DNAH5: variants seen among roughly 807,000 people sequenced by gnomAD.
DNAH5 encodes dynein axonemal heavy chain 5.
DNAH5 carries 372 observed loss-of-function variants against 518.2 expected under a neutral mutation model. The observed-to-expected ratio is 0.72, with a 90% CI of 0.66 to 0.78. The LOEUF (loss-of-function observed/expected upper bound fraction) is 0.78, where lower values mean the gene tolerates loss of function less well. DNAH5 is among the 30% of genes least tolerant of loss of function. The pLI, the probability that DNAH5 is intolerant of heterozygous loss-of-function variation, is 0.00. For synonymous variants in DNAH5, 2,039 were observed against 2,025.9 expected, an observed-to-expected ratio of 1.01 and a Z score of -0.17; for missense variants, 5,523 against 5,687.0, an observed-to-expected ratio of 0.97 and a Z score of 0.93.
intron 30 of DNAH5, among the ~76,000 whole-genome samples, chr5:13,852,995 C>A (rs1767107260): frequency 6.6e-6 from 1 of 152,366 alleles, no homozygotes; most frequent in African/African-American, 2.4e-5. Flanking sequence ...AGCAGCAGAT[C>A]TCCCAGCACA....
chr5:13,879,738 T>C (rs1444063478), intron 21 of DNAH5, among the ~76,000 whole-genome samples: 1 of 147,524 alleles, frequency 6.8e-6, no homozygotes. Flanking sequence ...CAAAGAGAGG[T>C]CACTGAAAAT....
At chr5:13,717,892 C>T (rs979946454) in intron 72 of DNAH5, among the ~76,000 whole-genome samples, 1 of 152,044 alleles carries the variant, frequency 6.6e-6, no homozygotes, top group Non-Finnish European at 1.5e-5. Flanking sequence ...ATACTTGGGG[C>T]ATATACTTTT....
intron 1 of DNAH5, among the ~76,000 whole-genome samples, chr5:13,964,741 A>G (rs1481740916): frequency 5.3e-5 from 8 of 152,240 alleles, no homozygotes; most frequent in African/African-American, 1.9e-4. Flanking sequence ...TTGGGGATAC[A>G]AAGATCTGAG....
At chr5:13,878,540 G>T (rs991054380) in intron 21 of DNAH5, among the ~76,000 whole-genome samples, 2 of 152,142 alleles carry the variant, frequency 1.3e-5, no homozygotes, top group African/African-American at 2.4e-5. Flanking sequence ...AGCACTTCAT[G>T]AGTGTTCCCT....
chr5:13,755,055 T>C (rs1049356076), intron 61 of DNAH5, among the ~76,000 whole-genome samples: 8 of 151,964 alleles, frequency 5.3e-5, no homozygotes, highest in African/African-American at 1.9e-4. Context: ...GGCAGGAGAA[T>C]CACTTGAACC....
chr5:13,885,848 G>T (rs1772346594), intron 18 of DNAH5, 116 bp downstream of exon 18: 1 of 977,968 alleles, frequency 1.0e-6, no homozygotes, highest in Admixed American at 2.1e-5. Flanking sequence ...CATATCATTA[G>T]AAAATCGAGA....
intron 1 of DNAH5, among the ~76,000 whole-genome samples, chr5:13,938,091 G>A (rs561487372): frequency 6.2e-4 from 94 of 152,126 alleles, no homozygotes; most frequent in African/African-American, 2.1e-3. Context: ...ATCTCATGCC[G>A]TCCAAATCCA....
In DNAH5 at chr5:13,859,560, G is replaced by A. The variant is rs1213611017; in HGVS notation, c.4842C>T (p.Tyr1614=). The A allele has an allele frequency of 6.2e-7, 1 of 1,614,070 alleles. No individual in the cohort carries two copies. Among genetic ancestry groups the A allele is most frequent in the South Asian group, 1.1e-5 (1 of 91,080 alleles). The change falls in exon 30 of 79, where the codon TAC becomes TAT. Residue 1614 remains tyrosine, a synonymous_variant. Coordinates refer to ENST00000265104, the MANE Select transcript of DNAH5 (RefSeq NM_001369.3). ...FKAQIQKWVQ[Y]LSNSTDIIES... Reference sequence around the variant, plus strand: ...CGATGATGTCTGTTGAGTTGGAAAGGTACTGCACCCATTTTTGAATCTGGG... The same window carrying A: ...CGATGATGTCTGTTGAGTTGGAAAGATACTGCACCCATTTTTGAATCTGGG...
At chr5:13,924,271 T>A (rs1020709618) in intron 3 of DNAH5, among the ~76,000 whole-genome samples, 2 of 152,214 alleles carry the variant, frequency 1.3e-5, no homozygotes, top group Non-Finnish European at 2.9e-5. Flanking sequence ...ATGTGGGCTC[T>A]AGAGTCAGAT....
chr5:13,752,411 C>A, intron 63 of DNAH5, 122 bp from the exon 64 acceptor site: 2 of 1,180,380 alleles, frequency 1.7e-6, no homozygotes, highest in East Asian at 2.4e-5. Flanking sequence ...AATTGAGCAT[C>A]CAAAATGTTC....
At chr5:13,786,153 G>C (rs765430158) in intron 52 of DNAH5, 26 bp downstream of exon 52, 5 of 1,612,806 alleles carry the variant, frequency 3.1e-6, no homozygotes, top group Non-Finnish European at 4.2e-6. Flanking sequence ...ACCTCCACAA[G>C]GCACTACTCA....
Position 13,917,194 on chromosome 5 carries a change from T to C in DNAH5, c.1038A>G (p.Lys346=). Residue 346 remains lysine (K), a synonymous_variant, in exon 8 of 79, where the codon AAA becomes AAG. Transcript: ENST00000265104. ...AACATTTTTCAAGTGTATACAAGTA[T>C]TTCACATTGTCCTTTGCTTCATTAG... The part of the protein sequence containing the change: ...DATNEAKDNV[K]YLYTLEKCCD... 1.9e-6 allele frequency: 3 copies of C among 1,614,034 alleles called. No individual in the cohort carries two copies. The highest frequency in any genetic ancestry group is 2.5e-6 in the Non-Finnish European group (3 of 1,179,960).
intron 1 of DNAH5, among the ~76,000 whole-genome samples, chr5:13,955,148 C>G (rs1780674022): frequency 6.6e-6 from 1 of 152,174 alleles, no homozygotes; most frequent in Admixed American, 6.5e-5. Context: ...CCCCCAACTG[C>G]TGTCTCGCGA....
intron 17 of DNAH5, among the ~76,000 whole-genome samples, chr5:13,888,598 A>C (rs1426669116): frequency 1.3e-5 from 2 of 152,262 alleles, no homozygotes; most frequent in African/African-American, 2.4e-5. Flanking sequence ...GTAATCAAAA[A>C]TGCAAACTCA....
chr5:13,786,104 G>C (rs1031347634), intron 52 of DNAH5, 75 bp downstream of exon 52: 1 of 1,408,626 alleles, frequency 7.1e-7, no homozygotes, highest in Admixed American at 1.7e-5. Flanking sequence ...ATGAAAATAA[G>C]AGAGGGAGAG....
At chr5:13,760,885 C>A (rs1179493091) in intron 60 of DNAH5, among the ~76,000 whole-genome samples, 1 of 152,220 alleles carries the variant, frequency 6.6e-6, no homozygotes, top group Non-Finnish European at 1.5e-5. Flanking sequence ...TGACAATATG[C>A]ACTCACTGCC....
At chr5:13,904,947 T>C (rs1775104516) in intron 12 of DNAH5, among the ~76,000 whole-genome samples, 1 of 151,536 alleles carries the variant, frequency 6.6e-6, no homozygotes. Flanking sequence ...AAAGAAATAG[T>C]AGGAAGTAAA....
intron 1 of DNAH5, among the ~76,000 whole-genome samples, chr5:13,997,032 C>T (rs895802787): frequency 1.3e-5 from 2 of 152,224 alleles, no homozygotes; most frequent in East Asian, 3.8e-4. Flanking sequence ...CATTCCCCCA[C>T]AGCTCATGCA....
intron 12 of DNAH5, among the ~76,000 whole-genome samples, chr5:13,904,291 A>G (rs13154455): frequency 0.35 from 52,687 of 150,018 alleles, 10,315 homozygotes; most frequent in East Asian, 0.76. Flanking sequence ...TTAAACTTGC[A>G]ATTAAAGGAA....
Sources: gnomAD v4.1 joint callset for allele counts (sites outside exome capture counted in the v4.1 genomes callset) on GRCh38, gnomAD v4.1.1 for gene constraint, MANE v1.5 for transcripts, NCBI Gene and HGNC (gene_info 2026-07-23, HGNC 2026-07-21) for gene names.